HERC3: variants seen among roughly 807,000 people sequenced by gnomAD.
HERC3 encodes probable E3 ubiquitin-protein ligase HERC3.
HERC3 carries 58 observed loss-of-function variants against 129.9 expected under a neutral mutation model. The observed-to-expected ratio is 0.45, with a 90% CI of 0.36 to 0.56. The LOEUF (loss-of-function observed/expected upper bound fraction) is 0.56, where lower values mean the gene tolerates loss of function less well. Ranked by LOEUF, HERC3 falls within the 20% of genes least tolerant of loss-of-function variation. The pLI is 0.00. For missense variants in HERC3, 835 were observed against 1,244.2 expected (o/e 0.67, Z 4.95); for synonymous variants, 430 against 451.0 (o/e 0.95, Z 0.59).
intron 23 of HERC3, chr4:88,697,310 C>G (rs762246795): frequency 9.9e-6 from 16 of 1,611,830 alleles, no homozygotes; most frequent in Non-Finnish European, 1.4e-5. Flanking sequence ...TCCCCCTCCT[C>G]CTCGTCATCC....
In HERC3 at chr4:88,606,053, AGT is replaced by A. The variant is rs1160871584; in HGVS notation, c.226+6_226+7del. On this transcript the variant is annotated splice_donor_5th_base_variant and intron_variant, in intron 3 of 25. Transcript: ENST00000402738. ...GAGAGGGAAGGAAACAAGCCAGGTA[AGT>A]GCACCTTATCTGTCTTGATTATTGG... 6 of 1,609,642 alleles carry A rather than the reference AGT, an allele frequency of 3.7e-6. No homozygotes were observed. The East Asian group carries it at 1.3e-4, about 36-fold the overall frequency.
At chr4:88,636,250 C>T (rs1727378728) in intron 3 of HERC3, among the ~76,000 whole-genome samples, 1 of 151,942 alleles carries the variant, frequency 6.6e-6, no homozygotes, top group Admixed American at 6.6e-5. Context: ...TTCAAGAGAC[C>T]CATCTCATGT....
chr4:88,584,299 T>C, the HERC3 span, among the ~76,000 whole-genome samples: 2 of 152,184 alleles, frequency 1.3e-5, no homozygotes, highest in African/African-American at 4.8e-5. Flanking sequence ...CAGGTAGACA[T>C]GAATTTGAAG....
the HERC3 span, chr4:88,583,720 A>C: frequency 6.6e-6 from 1 of 152,196 alleles, no homozygotes; most frequent in South Asian, 2.1e-4. Context: ...GCTAACCTAC[A>C]TTTGCTTGCA....
chr4:88,596,104 C>T (rs1722359671), intron 2 of HERC3, among the ~76,000 whole-genome samples: 2 of 152,118 alleles, frequency 1.3e-5, no homozygotes, highest in African/African-American at 4.8e-5. Flanking sequence ...CTGCCTCGGC[C>T]TTCCAAAGTG....
At chr4:88,697,341 C>A in intron 23 of HERC3, 1 of 1,613,948 alleles carries the variant, frequency 6.2e-7, no homozygotes, top group Non-Finnish European at 8.5e-7. Context: ...CTTCCTCCTC[C>A]TCCTCCCCCT....
intron 3 of HERC3, among the ~76,000 whole-genome samples, chr4:88,642,645 A>C (rs1377851593): frequency 6.6e-6 from 1 of 152,188 alleles, no homozygotes; most frequent in Non-Finnish European, 1.5e-5. Context: ...ATCTTCATAC[A>C]GTGAAAGGGG....
chr4:88,592,821 C>A (rs534833231), intron 1 of HERC3, among the ~76,000 whole-genome samples: 2 of 151,800 alleles, frequency 1.3e-5, no homozygotes, highest in African/African-American at 4.8e-5. Context: ...CTCGTGGGCT[C>A]GCCCTCCGGT....
chr4:88,559,157 G>T, the HERC3 span, among the ~76,000 whole-genome samples: 1 of 152,064 alleles, frequency 6.6e-6, no homozygotes, highest in Non-Finnish European at 1.5e-5. Context: ...ATCAGACCTT[G>T]GTGATGACCT....
chr4:88,550,814 C>T, the HERC3 span, among the ~76,000 whole-genome samples: 6 of 151,540 alleles, frequency 4.0e-5, no homozygotes, highest in African/African-American at 1.5e-4. Flanking sequence ...CAAAAAAGAG[C>T]CTGCATTGCC....
chr4:88,675,986 G>A lies in HERC3; in HGVS notation c.1912-232G>A, dbSNP rs575637553. Among the ~76,000 whole-genome samples the A allele has an allele frequency of 2.0e-5, 3 of 152,274 alleles. No homozygotes were observed. The East Asian group carries it at 5.8e-4, about 29-fold the overall frequency. On this transcript the variant is annotated intron_variant, in intron 16 of 25. Coordinates refer to ENST00000402738, the MANE Select transcript of HERC3 (RefSeq NM_014606.3). The stretch of plus-strand genomic sequence containing the variant: ...GTGAATTGTGGAGAGTTAGTGACAT[G>A]CCCTTTAACGGTCATAAGAAAATGT...
chr4:88,664,824 A>G (rs1439408247), intron 12 of HERC3, among the ~76,000 whole-genome samples: 2 of 151,992 alleles, frequency 1.3e-5, no homozygotes, highest in Admixed American at 6.6e-5. Context: ...GGCTCCTTGG[A>G]TTTAGGTCCA....
chr4:88,536,561 C>T, the HERC3 span, among the ~76,000 whole-genome samples: 1 of 152,194 alleles, frequency 6.6e-6, no homozygotes, highest in Non-Finnish European at 1.5e-5. Flanking sequence ...CTTTAGGTCA[C>T]ATACCATGTG....
the HERC3 span, among the ~76,000 whole-genome samples, chr4:88,548,511 G>A: frequency 6.6e-6 from 1 of 151,962 alleles, no homozygotes; most frequent in Non-Finnish European, 1.5e-5. Flanking sequence ...TTGGAGAAAT[G>A]TATGCTCAGA....
Position 88,618,340 on chromosome 4 carries a change from G to T in HERC3, c.226+12291G>T, listed in dbSNP as rs1169657183. On this transcript the variant is annotated intron_variant, in intron 3 of 25. Coordinates refer to ENST00000402738, the MANE Select transcript of HERC3 (RefSeq NM_014606.3). ...AGAAAAGCAATGGGGAATGCCTTTA[G>T]TATTTGCAGTGTAGAGATATTAGTG... Among the ~76,000 whole-genome samples, 5 of 152,184 alleles carry T rather than the reference G, an allele frequency of 3.3e-5. No homozygotes were observed. In the East Asian group the frequency reaches 9.6e-4, roughly 29 times the overall value.
At chr4:88,571,863 G>C in the HERC3 span, among the ~76,000 whole-genome samples, 4 of 152,282 alleles carry the variant, frequency 2.6e-5, no homozygotes, top group South Asian at 2.1e-4. Flanking sequence ...GCAAGTCTGT[G>C]AGTTGGTGTT....
At chr4:88,613,058 G>A (rs1724524545) in intron 3 of HERC3, among the ~76,000 whole-genome samples, 1 of 152,076 alleles carries the variant, frequency 6.6e-6, no homozygotes, top group Admixed American at 6.5e-5. Flanking sequence ...CTAATATTGG[G>A]ATTTTAGGGT....
chr4:88,663,308 C>T (rs765312426), intron 11 of HERC3, among the ~76,000 whole-genome samples: 9 of 152,168 alleles, frequency 5.9e-5, no homozygotes, highest in Non-Finnish European at 1.3e-4. Flanking sequence ...CGCCCTAGAG[C>T]AGCTCTGTGG....
In HERC3 at chr4:88,655,349, A is replaced by G. The variant is rs745338155; in HGVS notation, c.908+45A>G. The G allele has an allele frequency of 1.9e-6, 3 of 1,606,992 alleles. No homozygotes were observed. In the African/African-American group the frequency reaches 4.0e-5, roughly 22 times the overall value. On this transcript the variant is annotated intron_variant, in intron 8 of 25. Transcript: ENST00000402738. Reference sequence around the variant, plus strand: ...TGCTTGTATTCACTAGGACCCAGAAATTGGTCTTATCTTTGTAGTGATGAA... The same window carrying G: ...TGCTTGTATTCACTAGGACCCAGAAGTTGGTCTTATCTTTGTAGTGATGAA...
Sources: allele counts gnomAD v4.1 joint callset (sites outside exome capture counted in the v4.1 genomes callset), GRCh38; gene constraint gnomAD v4.1.1; transcripts MANE v1.5; gene names NCBI Gene and HGNC (gene_info 2026-07-23, HGNC 2026-07-21).